Variants in EFL1 observed in about 807,000 individuals in gnomAD.
EFL1 encodes the protein elongation factor like GTPase 1, also known as elongation factor-like GTPase 1.
Under a neutral mutation model 126.7 loss-of-function variants are expected in EFL1, and 76 were observed. That is an observed-to-expected ratio of 0.60 (90% confidence interval 0.50 to 0.73). EFL1 has a LOEUF of 0.73. Ranked by LOEUF, EFL1 falls within the 30% of genes least tolerant of loss-of-function variation. The pLI is 0.00. For missense variants in EFL1, 1,128 were observed against 1,343.2 expected (o/e 0.84, Z 2.50); for synonymous variants, 410 against 448.4 (o/e 0.91, Z 1.08).
chr15:82,164,602 A>C (rs1017947619), intron 15 of EFL1, among the ~76,000 whole-genome samples: 2 of 152,160 alleles, frequency 1.3e-5, no homozygotes, highest in Non-Finnish European at 2.9e-5. Context: ...AATGTCTTAG[A>C]AAGAGTGATA....
At chr15:82,235,537 C>G (rs1426001930) in intron 7 of EFL1, among the ~76,000 whole-genome samples, 1 of 151,768 alleles carries the variant, frequency 6.6e-6, no homozygotes. Flanking sequence ...AAGACTGGCT[C>G]AATATTAAAA....
intron 19 of EFL1, among the ~76,000 whole-genome samples, chr15:82,133,767 T>C (rs1354854890): frequency 6.6e-6 from 1 of 152,214 alleles, no homozygotes; most frequent in Non-Finnish European, 1.5e-5. Flanking sequence ...CAGAATTGGT[T>C]ATTCTGCTTT....
intron 3 of EFL1, among the ~76,000 whole-genome samples, chr15:82,258,440 A>G (rs940753858): frequency 1.3e-5 from 2 of 152,114 alleles, no homozygotes; most frequent in African/African-American, 4.8e-5. Flanking sequence ...AGTCCCAGGT[A>G]CCCAAGAGGC....
chr15:82,244,442 T>C (rs1378027152), intron 4 of EFL1, among the ~76,000 whole-genome samples: 1 of 152,174 alleles, frequency 6.6e-6, no homozygotes, highest in African/African-American at 2.4e-5. Context: ...CTAAATGATC[T>C]TTCCGATTTG....
chr15:82,217,431 A>T (rs2074662013), intron 14 of EFL1, among the ~76,000 whole-genome samples: 1 of 147,128 alleles, frequency 6.8e-6, no homozygotes, highest in African/African-American at 2.5e-5. Flanking sequence ...AAAACACTGT[A>T]TAAATAAAAT....
Position 82,138,833 on chromosome 15 carries a change from T to C in EFL1, c.2999A>G (p.Tyr1000Cys), listed in dbSNP as rs576849604. ...MATGDVLGRV[Y>C]AVLSKREGRV... ...ACCTTCTCTCTTTGACAAGACAGCA[T>C]AGACTCGACCTGTAAAACCATAAAT... is the stretch of plus-strand genomic sequence containing the variant. The change falls in exon 19 of 20, where the codon TAT (tyrosine) becomes TGT (cysteine). Residue 1000 changes from tyrosine (Y) to cysteine (C), a missense_variant. By Grantham distance (194) the Tyr-to-Cys change is radical. This residue lies in a region of EFL1 where 561 missense variants were observed against 641.7 expected (regional missense o/e 0.87). Transcript: ENST00000268206. The C allele has an allele frequency of 1.3e-5, 21 of 1,613,350 alleles. No homozygotes were observed. The Admixed American group carries it at 1.3e-4, about 10-fold the overall frequency.
intron 18 of EFL1, among the ~76,000 whole-genome samples, chr15:82,147,399 G>A (rs1004088381): frequency 3.3e-5 from 5 of 152,096 alleles, no homozygotes; most frequent in Non-Finnish European, 7.3e-5. Context: ...GGAGGCCGAG[G>A]CGGGCGGATC....
At chr15:82,220,305 G>C in intron 12 of EFL1, 76 bp from the exon 13 acceptor site, 6 of 1,494,480 alleles carry the variant, frequency 4.0e-6, no homozygotes, top group Non-Finnish European at 4.5e-6. Context: ...ACATGGCTGG[G>C]TAAGATGAAG....
chr15:82,168,505 A>C (rs2074101274), intron 15 of EFL1, among the ~76,000 whole-genome samples: 1 of 152,156 alleles, frequency 6.6e-6, no homozygotes, highest in Admixed American at 6.5e-5. Flanking sequence ...TGAGCTAATA[A>C]CAGTTTTCTG....
At chr15:82,219,443 G>A (rs2074684808) in intron 14 of EFL1, among the ~76,000 whole-genome samples, 1 of 152,098 alleles carries the variant, frequency 6.6e-6, no homozygotes, top group South Asian at 2.1e-4. Flanking sequence ...TGAAAATTTG[G>A]TCCACATATT....
At chr15:82,233,623 T>C (rs1173434072) in intron 7 of EFL1, 1 of 152,194 alleles carries the variant, frequency 6.6e-6, no homozygotes, top group Non-Finnish European at 1.5e-5. Flanking sequence ...AGGACTCAGT[T>C]CTATGTATCT....
chr15:82,245,656 T>C (rs74249839), intron 4 of EFL1, among the ~76,000 whole-genome samples: 1 of 151,926 alleles, frequency 6.6e-6, no homozygotes. Flanking sequence ...AAAACTGAGA[T>C]GGGGTCAGGC....
At position 82,253,594 on chromosome 15, in the gene EFL1, T is replaced by C. The variant is rs530214881; in HGVS notation, c.160-819A>G. 7.9e-5 allele frequency among the ~76,000 whole-genome samples: 12 copies of C among 152,252 alleles called. No individual in the cohort carries two copies. In the South Asian group the frequency reaches 1.2e-3, roughly 16 times the overall value. On this transcript the variant is annotated intron_variant, in intron 3 of 19. Transcript: ENST00000268206. ...AATAACATAGCCATTCTTTTCCTAT[T>C]TATAAGCTGTTTGACAAATTCTGAG...
chr15:82,130,386 C>T lies in EFL1; in HGVS notation c.3350G>A (p.Ser1117Asn). 6.2e-7 allele frequency: 1 copy of T among 1,613,678 alleles called. No homozygotes were observed. Among genetic ancestry groups the T allele is most frequent in the Non-Finnish European group, 8.5e-7 (1 of 1,179,900 alleles). ...VEHAEKQRTLSKNK is the reference protein window; with the variant it reads ...VEHAEKQRTLNKNK ...AGTAGTAGGTAGCTACTTATTTTTG[C>T]TGAGTGTCCTCTGCTTTTCTGCATG... is the stretch of plus-strand genomic sequence containing the variant. The change falls in exon 20 of 20, where the codon AGC becomes AAC. Residue 1117 changes from serine to asparagine, a missense_variant. By Grantham distance (46) the Ser-to-Asn change is conservative (BLOSUM62 1). Transcript: ENST00000268206.
intron 18 of EFL1, among the ~76,000 whole-genome samples, chr15:82,140,293 A>G (rs1043041688): frequency 6.6e-6 from 1 of 152,110 alleles, no homozygotes; most frequent in Admixed American, 6.5e-5. Context: ...TGCTTCCTTG[A>G]AATTTCACAA....
At chr15:82,214,257 T>G (rs961030310) in intron 15 of EFL1, among the ~76,000 whole-genome samples, 14 of 152,336 alleles carry the variant, frequency 9.2e-5, no homozygotes, top group African/African-American at 2.9e-4. Context: ...AGAGTAATAT[T>G]TACAGATATA....
chr15:82,226,754 A>G (rs978191505), intron 11 of EFL1, among the ~76,000 whole-genome samples: 1 of 152,226 alleles, frequency 6.6e-6, no homozygotes, highest in African/African-American at 2.4e-5. Context: ...GGGTACAATT[A>G]TCAAAAGAGG....
chr15:82,225,807 T>C (rs2074757174), intron 11 of EFL1, among the ~76,000 whole-genome samples: 1 of 152,226 alleles, frequency 6.6e-6, no homozygotes. Flanking sequence ...TCTCCCTAAA[T>C]ACACAAATTT....
intron 15 of EFL1, among the ~76,000 whole-genome samples, chr15:82,210,862 CAAA>C (rs76409669): frequency 6.4e-5 from 7 of 109,246 alleles, no homozygotes; most frequent in Non-Finnish European, 7.9e-5. Flanking sequence ...AACTCCATTA[CAAA>C]AAAAAAAAAA....
Sources: gnomAD v4.1 joint callset for allele counts (sites outside exome capture counted in the v4.1 genomes callset) on GRCh38, gnomAD v4.1.1 for gene constraint, gnomAD v4.1.1 regional missense constraint, MANE v1.5 for transcripts, NCBI Gene and HGNC (gene_info 2026-07-23, HGNC 2026-07-21) for gene names.